Variants in BIRC6 observed in about 807,000 individuals in gnomAD.
BIRC6 encodes dual E2 ubiquitin-conjugating enzyme/E3 ubiquitin-protein ligase BIRC6.
A neutral mutation model predicts 503.3 loss-of-function variants in BIRC6; 98 were observed. That is an observed-to-expected ratio of 0.19 (90% CI 0.17 to 0.23). BIRC6 has a LOEUF of 0.23. Among genes scored for constraint, BIRC6 ranks in the 10% least tolerant of loss-of-function variants. The pLI is 1.00. For synonymous variants in BIRC6, 2,240 were observed against 2,078.7 expected, an observed-to-expected ratio of 1.08 and a Z score of -2.11; for missense variants, 5,360 against 5,806.0, an observed-to-expected ratio of 0.92 and a Z score of 2.50.
chr2:32,382,893 T>C (rs2149439295), intron 3 of BIRC6, among the ~76,000 whole-genome samples: 1 of 151,586 alleles, frequency 6.6e-6, no homozygotes, highest in East Asian at 1.9e-4. Flanking sequence ...CTGGCTACTT[T>C]TTGCATTTTT....
At chr2:32,407,500 G>A (rs958133386) in intron 9 of BIRC6, among the ~76,000 whole-genome samples, 8 of 149,436 alleles carry the variant, frequency 5.4e-5, no homozygotes, top group African/African-American at 2.0e-4. Context: ...ATAAAGTGTA[G>A]TGCCTGGGAA....
chr2:32,358,893 A>G (rs1466723218), intron 1 of BIRC6, among the ~76,000 whole-genome samples: 1 of 152,232 alleles, frequency 6.6e-6, no homozygotes, highest in Non-Finnish European at 1.5e-5. Flanking sequence ...AGTTACTGCA[A>G]CTTGGACATA....
chr2:32,598,513 A>G (rs1204856365), intron 69 of BIRC6, among the ~76,000 whole-genome samples: 1 of 152,174 alleles, frequency 6.6e-6, no homozygotes, highest in Non-Finnish European at 1.5e-5. Context: ...TATAGGTAAT[A>G]CAATAATATA....
intron 20 of BIRC6, among the ~76,000 whole-genome samples, chr2:32,444,031 G>C (rs373315959): frequency 7.3e-6 from 1 of 136,884 alleles, no homozygotes; most frequent in Non-Finnish European, 1.6e-5. Flanking sequence ...GGGACCAGTG[G>C]TTTTTTTTTT....
At chr2:32,408,982 T>G (rs2041555765) in intron 9 of BIRC6, among the ~76,000 whole-genome samples, 2 of 152,144 alleles carry the variant, frequency 1.3e-5, no homozygotes, top group Non-Finnish European at 2.9e-5. Context: ...TGTATATATA[T>G]TTGATATTAA....
rs1273480064 is a variant in BIRC6 at position 32,503,146 on chromosome 2, C to G, written c.9409C>G (p.Pro3137Ala). The change falls in exon 49 of 74, where the codon CCA (proline) becomes GCA (alanine). Residue 3137 changes from proline (P) to alanine (A), a missense_variant. Pro to Ala is a conservative substitution (Grantham distance 27). Around this residue, in one of 16 missense-constraint regions of BIRC6, gnomAD observed 267 missense variants for 287.6 expected, o/e 0.93. Coordinates refer to ENST00000421745, the MANE Select transcript of BIRC6 (RefSeq NM_016252.4). ...STIMKFLDSG[P>A]NKAVDSTLKT... ...TATTATGAAATTTCTTGACTCTGGT[C>G]CAAATAAAGCTGTTGACAGCACATT... The G allele has an allele frequency of 6.2e-7, 1 of 1,612,504 alleles. No homozygotes were observed. Among genetic ancestry groups the G allele is most frequent in the Admixed American group, 1.7e-5 (1 of 59,868 alleles).
intron 1 of BIRC6, among the ~76,000 whole-genome samples, chr2:32,370,419 C>T (rs182306582): frequency 1.7e-4 from 26 of 152,228 alleles, no homozygotes; most frequent in Admixed American, 1.6e-3. Flanking sequence ...CTCTTCTGTG[C>T]TTAAGTAGAT....
intron 46 of BIRC6, among the ~76,000 whole-genome samples, chr2:32,500,420 A>ATTTT (rs368668031): frequency 7.1e-6 from 1 of 140,404 alleles, no homozygotes; most frequent in Non-Finnish European, 1.5e-5. Flanking sequence ...CACCCAGCTA[A>ATTTT]TTTTTTTTTT....
chr2:32,424,680 T>C (rs1277091752), intron 10 of BIRC6, among the ~76,000 whole-genome samples: 2 of 151,892 alleles, frequency 1.3e-5, no homozygotes, highest in African/African-American at 4.8e-5. Context: ...GCCCAGCTAT[T>C]TTTTGTATTT....
chr2:32,505,175 C>G lies in BIRC6; in HGVS notation c.9670C>G (p.His3224Asp), dbSNP rs748560632. 3 of 1,582,522 alleles carry G rather than the reference C, an allele frequency of 1.9e-6. No individual in the cohort carries two copies. The highest frequency in any genetic ancestry group is 2.6e-6 in the Non-Finnish European group (3 of 1,163,210). ...TGCAGCAGTGCTGCTTAAGGAGATA[C>G]ATATCCAGCCTCATCTTGCATCTCT... ...LPAAVLLKEI[H>D]IQPHLASLAT... Residue 3224 changes from histidine to aspartate, a missense_variant, in exon 50 of 74, where the codon CAT becomes GAT. His to Asp is a moderately conservative substitution (Grantham distance 81, BLOSUM62 -1). Transcript: ENST00000421745.
intron 14 of BIRC6, 24 bp from the exon 15 acceptor site, chr2:32,436,028 GA>G: frequency 7.6e-7 from 1 of 1,308,786 alleles, no homozygotes; most frequent in South Asian, 2.0e-5. Context: ...GAATTTAAAA[GA>G]AAAATATGTA....
intron 66 of BIRC6, among the ~76,000 whole-genome samples, chr2:32,593,603 G>A (rs897421872): frequency 2.0e-5 from 3 of 151,942 alleles, no homozygotes; most frequent in Non-Finnish European, 4.4e-5. Context: ...AAATATTTTA[G>A]GTGTAGAAGT....
At chr2:32,421,804 T>C (rs76676787) in intron 10 of BIRC6, among the ~76,000 whole-genome samples, 2,412 of 152,330 alleles carry the variant, frequency 0.016, 48 homozygotes, top group African/African-American at 0.056. Flanking sequence ...GAATTTGTGT[T>C]GGGCACCCAT....
At chr2:32,581,458 C>T (rs1047919497) in intron 66 of BIRC6, among the ~76,000 whole-genome samples, 1 of 152,152 alleles carries the variant, frequency 6.6e-6, no homozygotes, top group Non-Finnish European at 1.5e-5. Context: ...ACCACCTATG[C>T]TACTGTTTAC....
At chr2:32,607,737 G>A (rs2062566057) in intron 72 of BIRC6, 94 bp downstream of exon 72, 2 of 1,099,702 alleles carry the variant, frequency 1.8e-6, no homozygotes, top group Non-Finnish European at 2.5e-6. Flanking sequence ...CAGCACTTTG[G>A]GAGGTCAAGG....
At chr2:32,422,962 A>G (rs571485638) in intron 10 of BIRC6, among the ~76,000 whole-genome samples, 12 of 152,286 alleles carry the variant, frequency 7.9e-5, no homozygotes, top group African/African-American at 2.6e-4. Flanking sequence ...TTTGAGGCAG[A>G]GTCTTGCTCT....
At chr2:32,461,942 C>T (rs1252380948) in intron 23 of BIRC6, among the ~76,000 whole-genome samples, 1 of 152,084 alleles carries the variant, frequency 6.6e-6, no homozygotes, top group East Asian at 1.9e-4. Context: ...TAACACTATG[C>T]CCTTCATTGG....
chr2:32,369,943 AAAATATAT>A (rs1385614080), intron 1 of BIRC6, among the ~76,000 whole-genome samples: 114 of 32,186 alleles, frequency 3.5e-3, no homozygotes, highest in Middle Eastern at 0.012. Context: ...AAAAAAAAAA[AAAATATAT>A]ATATATATAT....
chr2:32,538,524 A>C (rs1053397075), intron 61 of BIRC6, among the ~76,000 whole-genome samples: 2 of 152,248 alleles, frequency 1.3e-5, no homozygotes, highest in Non-Finnish European at 2.9e-5. Context: ...TAAATTACAA[A>C]AGCCTCTAAG....
Sources: gnomAD v4.1 joint callset for allele counts (sites outside exome capture counted in the v4.1 genomes callset) on GRCh38, gnomAD v4.1.1 for gene constraint, gnomAD v4.1.1 regional missense constraint, MANE v1.5 for transcripts, NCBI Gene and HGNC (gene_info 2026-07-23, HGNC 2026-07-21) for gene names.